The following KTN1 variants were observed in gnomAD, a reference collection of about 807,000 sequenced individuals.
KTN1 encodes the protein kinectin.
A neutral mutation model predicts 222.5 loss-of-function variants in KTN1; 130 were observed. The observed-to-expected ratio is 0.58, with a 90% confidence interval of 0.51 to 0.68. KTN1 has a LOEUF of 0.68. Ranked by LOEUF, KTN1 falls within the 30% of genes least tolerant of loss-of-function variation. The pLI is 0.00. For synonymous variants in KTN1, 512 were observed against 496.3 expected, an observed-to-expected ratio of 1.03 and a Z score of -0.42; for missense variants, 1,508 against 1,500.4, an observed-to-expected ratio of 1.01 and a Z score of -0.08.
chr14:55,593,917 G>T (rs1291217901), intron 1 of KTN1, among the ~76,000 whole-genome samples: 1 of 151,842 alleles, frequency 6.6e-6, no homozygotes, highest in East Asian at 1.9e-4. Flanking sequence ...GATGAACCTT[G>T]TTCTGTTTTG....
rs541462871 is a variant in KTN1 at position 55,653,470 on chromosome 14, T to C, written c.2764-89T>C. On this transcript the variant is annotated intron_variant, in intron 27 of 43. Transcript: ENST00000395314. ...CTGCATATAATTATGTTTTTGTTTT[T>C]ATTGGTGGGTGATTCCATATATATG... is the stretch of plus-strand genomic sequence containing the variant. 1.4e-5 allele frequency: 14 copies of C among 967,640 alleles called. No homozygotes were observed. In the East Asian group the frequency reaches 3.4e-4, roughly 24 times the overall value. The allele number at this position is 967,640 out of a possible 1,614,324, so 59.9% of individuals were successfully genotyped here. A position where few individuals can be genotyped will look rare whatever the true frequency, so the allele number is the denominator to read the frequency against.
chr14:55,631,343 TATATA>T (rs1477243847), intron 7 of KTN1, among the ~76,000 whole-genome samples: 1 of 99,022 alleles, frequency 1.0e-5, no homozygotes, highest in Non-Finnish European at 2.1e-5. Context: ...ATAAGGTTGA[TATATA>T]TATATATATA....
chr14:55,628,861 G>A (rs964947804), intron 6 of KTN1, among the ~76,000 whole-genome samples: 3 of 152,038 alleles, frequency 2.0e-5, no homozygotes, highest in Admixed American at 6.6e-5. Flanking sequence ...TCATTGAGCC[G>A]CATACTTATG....
At chr14:55,668,408 C>T in intron 34 of KTN1, 1 of 151,886 alleles carries the variant, frequency 6.6e-6, no homozygotes, top group Admixed American at 6.6e-5. Context: ...ATGAAGTTTC[C>T]CACAGTTTGG....
chr14:55,629,219 A>G (rs536034386), intron 6 of KTN1, among the ~76,000 whole-genome samples: 1 of 152,184 alleles, frequency 6.6e-6, no homozygotes, highest in South Asian at 2.1e-4. Flanking sequence ...GATCGAGACC[A>G]TCTTGGCTAA....
Position 55,618,703 on chromosome 14 carries a change from G to A in KTN1, c.833-479G>A, listed in dbSNP as rs115441807. Among the ~76,000 whole-genome samples the A allele has an allele frequency of 5.5e-3, 831 of 152,160 alleles. 7 individuals carry two copies. Among genetic ancestry groups the A allele is most frequent in the South Asian group, 0.023 (111 of 4,806 alleles). On this transcript the variant is annotated intron_variant, in intron 4 of 43. Transcript: ENST00000395314. Reference sequence around the variant, plus strand: ...CATGGATTTTTAAAATGTCAGGATGGTTTGCATATATTTGATCTTCATAGA... The same window carrying A: ...CATGGATTTTTAAAATGTCAGGATGATTTGCATATATTTGATCTTCATAGA...
Position 55,673,250 on chromosome 14 carries a change from A to C in KTN1, c.3766A>C (p.Asn1256His). Residue 1256 changes from asparagine (N) to histidine (H), a missense_variant, in exon 40 of 44, where the codon AAT becomes CAT. By Grantham distance (68) the Asn-to-His change is moderately conservative. Coordinates refer to ENST00000395314, the MANE Select transcript of KTN1 (RefSeq NM_001079521.2). ...SEAVRQNEEL[N>H]LLKAQLNETL... ...AGCAGTAAGACAGAATGAAGAGCTA[A>C]ATTTGGTAAGAAGCTTGTCCTCCAC... The C allele has an allele frequency of 6.2e-7, 1 of 1,608,844 alleles. No homozygotes were observed. Among genetic ancestry groups the C allele is most frequent in the East Asian group, 2.2e-5 (1 of 44,744 alleles).
chr14:55,669,183 T>G (rs974599173), intron 34 of KTN1, among the ~76,000 whole-genome samples: 1 of 152,108 alleles, frequency 6.6e-6, no homozygotes, highest in African/African-American at 2.4e-5. Flanking sequence ...TGATTGATAA[T>G]TTCTGTTCTT....
At chr14:55,593,895 T>G (rs776711695) in intron 1 of KTN1, among the ~76,000 whole-genome samples, 1 of 152,286 alleles carries the variant, frequency 6.6e-6, no homozygotes, top group East Asian at 1.9e-4. Context: ...TCTTGACCCC[T>G]TGGTGTCAGG....
intron 1 of KTN1, among the ~76,000 whole-genome samples, chr14:55,595,581 ATGTT>A (rs1318661405): frequency 6.6e-6 from 1 of 152,264 alleles, no homozygotes; most frequent in African/African-American, 2.4e-5. Context: ...ATTGATTAAA[ATGTT>A]AGTAAGGTCA....
Position 55,633,226 on chromosome 14 carries a change from T to A in KTN1, c.1222-9T>A, listed in dbSNP as rs757271631. Reference sequence around the variant, plus strand: ...TTTTCTAAGTTTTATGTGTGTAAAATAATTTTAGTTTCAGCAAGTTCGTGA... The same window carrying A: ...TTTTCTAAGTTTTATGTGTGTAAAAAAATTTTAGTTTCAGCAAGTTCGTGA... On this transcript the variant is annotated splice_polypyrimidine_tract_variant and intron_variant, in intron 7 of 43. Transcript: ENST00000395314. 6.5e-7 allele frequency: 1 copy of A among 1,539,112 alleles called. No homozygotes were observed. The highest frequency in any genetic ancestry group is 1.9e-5 in the Admixed American group (1 of 51,960).
At chr14:55,608,737 C>T (rs183092225) in intron 1 of KTN1, among the ~76,000 whole-genome samples, 8 of 151,062 alleles carry the variant, frequency 5.3e-5, no homozygotes, top group Non-Finnish European at 1.0e-4. Context: ...TCAAGTGATT[C>T]TTTTGCATCA....
At chr14:55,669,278 C>G (rs1488185062) in intron 34 of KTN1, among the ~76,000 whole-genome samples, 1 of 151,992 alleles carries the variant, frequency 6.6e-6, no homozygotes, top group Non-Finnish European at 1.5e-5. Flanking sequence ...ATCTTTTTGA[C>G]ACTAGAAATA....
intron 33 of KTN1, among the ~76,000 whole-genome samples, chr14:55,664,875 T>G (rs1458986982): frequency 6.6e-6 from 1 of 152,128 alleles, no homozygotes; most frequent in African/African-American, 2.4e-5. Context: ...AGAAAGAACC[T>G]ACATGATTAA....
intron 19 of KTN1, 46 bp from the exon 20 acceptor site, chr14:55,647,979 A>C (rs1161923791): frequency 1.4e-6 from 1 of 690,532 alleles, no homozygotes; most frequent in South Asian, 3.1e-5. Context: ...AATATCATTA[A>C]CTTTGAAAAA....
intron 1 of KTN1, among the ~76,000 whole-genome samples, chr14:55,585,875 A>G (rs1286251816): frequency 2.0e-5 from 3 of 152,188 alleles, no homozygotes; most frequent in African/African-American, 7.2e-5. Flanking sequence ...ATAGCAGCCT[A>G]TAATTACTAG....
At chr14:55,611,263 C>CTTTTTT (rs897315974) in intron 1 of KTN1, among the ~76,000 whole-genome samples, 6 of 116,060 alleles carry the variant, frequency 5.2e-5, no homozygotes, top group African/African-American at 1.4e-4. Context: ...ATTTTCTTGT[C>CTTTTTT]TTTTTTTTTT....
At chr14:55,584,129 C>T (rs576917443) in intron 1 of KTN1, among the ~76,000 whole-genome samples, 3 of 152,340 alleles carry the variant, frequency 2.0e-5, no homozygotes, top group South Asian at 2.1e-4. Flanking sequence ...GCTACAGTGA[C>T]TTTCTCTATG....
intron 32 of KTN1, chr14:55,663,572 A>G (rs1161629742): frequency 5.7e-6 from 1 of 174,930 alleles, no homozygotes; most frequent in Non-Finnish European, 1.2e-5. Context: ...TCGTTTAAAC[A>G]TCACATGAAA....
Sources: gnomAD v4.1 joint callset for allele counts (sites outside exome capture counted in the v4.1 genomes callset) on GRCh38, gnomAD v4.1.1 for gene constraint, MANE v1.5 for transcripts, NCBI Gene and HGNC (gene_info 2026-07-23, HGNC 2026-07-21) for gene names.